Variants in CACNA1E observed in about 807,000 individuals in gnomAD.
CACNA1E encodes the protein calcium voltage-gated channel subunit alpha1 E, also known as voltage-dependent R-type calcium channel subunit alpha-1E.
A neutral mutation model predicts 259.2 loss-of-function variants in CACNA1E; 40 were observed. The observed-to-expected ratio is 0.15, with a 90% confidence interval of 0.12 to 0.20. CACNA1E has a LOEUF of 0.20. Ranked by LOEUF, CACNA1E falls within the 10% of genes least tolerant of loss-of-function variation. The pLI is 1.00. For missense variants in CACNA1E, 1,874 were observed against 3,040.1 expected, an observed-to-expected ratio of 0.62 and a Z score of 9.02; for synonymous variants, 1,104 against 1,138.5, an observed-to-expected ratio of 0.97 and a Z score of 0.61.
chr1:181,670,382 A>C (rs1233293940), intron 7 of CACNA1E, among the ~76,000 whole-genome samples: 2 of 152,212 alleles, frequency 1.3e-5, no homozygotes, highest in African/African-American at 4.8e-5. Context: ...CCTTGGTGTC[A>C]AGTGTATCAC....
intron 8 of CACNA1E, among the ~76,000 whole-genome samples, chr1:181,712,355 T>G (rs554159397): frequency 1.3e-5 from 2 of 152,344 alleles, no homozygotes; most frequent in African/African-American, 4.8e-5. Context: ...TTTTCTCTAT[T>G]CCTAATAGAA....
intron 25 of CACNA1E, among the ~76,000 whole-genome samples, chr1:181,749,737 C>T (rs72735253): frequency 0.14 from 21,239 of 152,196 alleles, 1,573 homozygotes; most frequent in East Asian, 0.3. Context: ...TATGCCCTGA[C>T]TTATTTTAAA....
Position 181,804,518 on chromosome 1 carries a change from T to C in CACNA1E, c.*5684T>C, listed in dbSNP as rs1662496046. ...TTTAACCAATACAAAATTTATGTCT[T>C]AAGAAGATAATTTTTACAATAGTGT... On this transcript the variant is annotated 3_prime_UTR_variant, in exon 48 of 48. Transcript: ENST00000367573. 1 of 152,198 alleles carries C rather than the reference T, an allele frequency of 6.6e-6. No individual in the cohort carries two copies. The highest frequency in any genetic ancestry group is 1.5e-5 in the Non-Finnish European group (1 of 68,026). The allele number at this position is 152,198 out of a possible 1,614,324, so 9.4% of individuals were successfully genotyped here. A position where few individuals can be genotyped will look rare whatever the true frequency, so the allele number is the denominator to read the frequency against.
At chr1:181,683,158 G>A (rs1650161407) in intron 7 of CACNA1E, among the ~76,000 whole-genome samples, 1 of 152,058 alleles carries the variant, frequency 6.6e-6, no homozygotes, top group Non-Finnish European at 1.5e-5. Context: ...AGTACAGCAA[G>A]GGCATCTTAT....
intron 2 of CACNA1E, among the ~76,000 whole-genome samples, chr1:181,450,075 G>T (rs1661054099): frequency 6.6e-6 from 1 of 152,324 alleles, no homozygotes; most frequent in East Asian, 1.9e-4. Flanking sequence ...ATGGTGGAAA[G>T]TGAAGGAGAA....
chr1:181,743,309 C>T (rs1174845664), intron 25 of CACNA1E, among the ~76,000 whole-genome samples: 1 of 152,192 alleles, frequency 6.6e-6, no homozygotes, highest in Admixed American at 6.5e-5. Flanking sequence ...TTTTTCTTTC[C>T]AATGAAGAGG....
At position 181,384,224 on chromosome 1, in the gene CACNA1E, C is replaced by T. The variant is rs143871483; in HGVS notation, c.-14-28909C>T. Among the ~76,000 whole-genome samples the T allele has an allele frequency of 3.7e-4, 56 of 152,208 alleles. No homozygotes were observed. The East Asian group carries it at 9.5e-3, about 26-fold the overall frequency. On this transcript the variant is annotated intron_variant, in intron 1 of 11. Coordinates refer to the CACNA1E transcript ENST00000524607. ...GAGAAATCAGTATGGTGTTAAGACA[C>T]GGAGATGCGATATCTATGCCATAAA...
At chr1:181,409,386 G>A (rs1422548508) in intron 1 of CACNA1E, among the ~76,000 whole-genome samples, 1 of 152,152 alleles carries the variant, frequency 6.6e-6, no homozygotes, top group East Asian at 1.9e-4. Flanking sequence ...GGCCAAAATG[G>A]TCACATGGCC....
At chr1:181,720,974 T>C in intron 15 of CACNA1E, 119 bp downstream of exon 15, 1 of 685,152 alleles carries the variant, frequency 1.5e-6, no homozygotes. Context: ...TCCCAGGGGA[T>C]TGAGGCACTC....
rs371756577 is a variant in CACNA1E, at chr1:181,776,261, C to G, written c.5267+33C>G. Reference sequence around the variant, plus strand: ...GGCCCCTCGGCCGCCCCAGCGGGGCCCAGAGCAAAGGTCTCTGGAGTTCCC... The same window carrying G: ...GGCCCCTCGGCCGCCCCAGCGGGGCGCAGAGCAAAGGTCTCTGGAGTTCCC... On this transcript the variant is annotated intron_variant, in intron 38 of 47. Coordinates refer to ENST00000367573, the MANE Select transcript of CACNA1E (RefSeq NM_001205293.3). The surrounding 1 kb of genome is among the most constrained non-coding windows in gnomAD (Gnocchi z 4.4). 1.2e-6 allele frequency: 2 copies of G among 1,612,114 alleles called. No homozygotes were observed. The highest frequency in any genetic ancestry group is 2.7e-5 in the African/African-American group (2 of 74,890).
chr1:181,408,989 A>G (rs1354611210), intron 1 of CACNA1E, among the ~76,000 whole-genome samples: 2 of 150,942 alleles, frequency 1.3e-5, no homozygotes, highest in Admixed American at 1.3e-4. Flanking sequence ...TATTTTTGCC[A>G]GGTTCTCTGT....
At chr1:181,327,968 G>A (rs1557914474) in intron 1 of CACNA1E, among the ~76,000 whole-genome samples, 1 of 152,318 alleles carries the variant, frequency 6.6e-6, no homozygotes, top group Non-Finnish European at 1.5e-5. Context: ...GGGGCAGGGG[G>A]ACAGCTGGGA....
chr1:181,357,702 A>T (rs1307176431), intron 1 of CACNA1E, among the ~76,000 whole-genome samples: 2 of 152,118 alleles, frequency 1.3e-5, no homozygotes, highest in East Asian at 3.9e-4. Context: ...ACTAAAGGGT[A>T]TTTGGTTTTT....
At chr1:181,364,240 T>C (rs1336243323) in intron 1 of CACNA1E, among the ~76,000 whole-genome samples, 1 of 152,220 alleles carries the variant, frequency 6.6e-6, no homozygotes, top group South Asian at 2.1e-4. Flanking sequence ...GTGTCTTCTT[T>C]ATTCACCATC....
chr1:181,402,812 C>G (rs1221228187), intron 1 of CACNA1E, among the ~76,000 whole-genome samples: 2 of 152,168 alleles, frequency 1.3e-5, no homozygotes, highest in African/African-American at 4.8e-5. Flanking sequence ...CATCTACTTT[C>G]AAAGTACAAC....
At chr1:181,364,128 G>A (rs778961482) in intron 1 of CACNA1E, among the ~76,000 whole-genome samples, 36 of 152,160 alleles carry the variant, frequency 2.4e-4, no homozygotes, top group Admixed American at 1.6e-3. Flanking sequence ...TTTATTCCCC[G>A]TGACTCTGAT....
intron 25 of CACNA1E, 95 bp downstream of exon 25, chr1:181,739,348 G>T: frequency 2.3e-6 from 2 of 875,896 alleles, no homozygotes; most frequent in Non-Finnish European, 1.9e-6. Context: ...AACATGCAGG[G>T]TGATGCCAAA....
chr1:181,367,818 A>T (rs1654392329), intron 1 of CACNA1E, among the ~76,000 whole-genome samples: 1 of 152,136 alleles, frequency 6.6e-6, no homozygotes, highest in African/African-American at 2.4e-5. Context: ...AGTCATAGAA[A>T]TATGCCAATT....
chr1:181,394,603 T>C (rs1656523758), intron 1 of CACNA1E, among the ~76,000 whole-genome samples: 1 of 151,890 alleles, frequency 6.6e-6, no homozygotes, highest in African/African-American at 2.4e-5. Flanking sequence ...TGATAAGTGC[T>C]ATGGGGGAAA....
Sources: allele counts gnomAD v4.1 joint callset (sites outside exome capture counted in the v4.1 genomes callset), GRCh38; gene constraint gnomAD v4.1.1; non-coding constraint Gnocchi (gnomAD v3.1); transcripts MANE v1.5; gene names NCBI Gene and HGNC (gene_info 2026-07-23, HGNC 2026-07-21).